The following HCN1 variants were observed in gnomAD, a reference collection of about 807,000 sequenced individuals.
The protein encoded by HCN1 is potassium/sodium hyperpolarization-activated cyclic nucleotide-gated channel 1.
Under a neutral mutation model 78.9 loss-of-function variants are expected in HCN1, and 13 were observed. The observed-to-expected ratio is 0.16, with a 90% CI of 0.11 to 0.26. HCN1 has a LOEUF of 0.26. Ranked by LOEUF, HCN1 falls within the 10% of genes least tolerant of loss-of-function variation. The pLI, the probability that HCN1 is intolerant of heterozygous loss-of-function variation, is 1.00. For missense variants in HCN1, 810 were observed against 1,154.3 expected (o/e 0.70, Z 4.32); for synonymous variants, 552 against 455.5 (o/e 1.21, Z -2.70).
At chr5:45,461,683 C>T (rs1316249580) in intron 3 of HCN1, among the ~76,000 whole-genome samples, 163 bp downstream of exon 3, 28 of 152,062 alleles carry the variant, frequency 1.8e-4, no homozygotes, top group Admixed American at 1.6e-3. Context: ...TTAGTTGTAA[C>T]CACCCTCCAC....
chr5:45,681,812 T>C (rs1269871666), intron 1 of HCN1, among the ~76,000 whole-genome samples: 3 of 152,178 alleles, frequency 2.0e-5, no homozygotes, highest in African/African-American at 7.2e-5. Context: ...TTCTCAACTT[T>C]ATTTTGATTA....
intron 3 of HCN1, among the ~76,000 whole-genome samples, chr5:45,416,646 A>G (rs1561146426): frequency 6.6e-6 from 1 of 151,982 alleles, no homozygotes; most frequent in East Asian, 1.9e-4. Context: ...TACTATATAT[A>G]TGCTATTATT....
intron 1 of HCN1, 104 bp downstream of exon 1, chr5:45,695,565 C>G (rs920020686): frequency 1.4e-5 from 17 of 1,192,456 alleles, no homozygotes; most frequent in Middle Eastern, 2.7e-4. Flanking sequence ...GCGCCACCCC[C>G]CGCCCGCCCT....
intron 2 of HCN1, among the ~76,000 whole-genome samples, chr5:45,640,526 A>G (rs954212285): frequency 6.6e-6 from 1 of 151,990 alleles, no homozygotes; most frequent in Non-Finnish European, 1.5e-5. Context: ...GACTGTCACG[A>G]TAGAGTGTGT....
intron 2 of HCN1, among the ~76,000 whole-genome samples, chr5:45,553,486 G>A (rs1254500908): frequency 6.6e-6 from 1 of 151,858 alleles, no homozygotes; most frequent in Non-Finnish European, 1.5e-5. Flanking sequence ...TCACTCAGAT[G>A]ATAAAGTCTT....
intron 5 of HCN1, among the ~76,000 whole-genome samples, chr5:45,315,585 A>C (rs1291901131): frequency 2.0e-5 from 3 of 152,228 alleles, no homozygotes; most frequent in Non-Finnish European, 4.4e-5. Context: ...TGAAGGAGAT[A>C]GAGACACAAA....
At chr5:45,451,488 A>C (rs1394687552) in intron 3 of HCN1, among the ~76,000 whole-genome samples, 5 of 152,064 alleles carry the variant, frequency 3.3e-5, no homozygotes, top group Non-Finnish European at 5.9e-5. Flanking sequence ...TTTTTCCTTA[A>C]GAATTGATAA....
Position 45,394,021 on chromosome 5 carries a change from C to T in HCN1, c.1230+2471G>A, listed in dbSNP as rs868202199. Among the ~76,000 whole-genome samples the T allele has an allele frequency of 6.6e-5, 10 of 152,212 alleles. No homozygotes were observed. The Middle Eastern group carries it at 0.014, about 207-fold the overall frequency. ...AGAGAGAAGTTCCTCTGCTGTGAGT[C>T]CCTTTACAACCTCTTTTGGGATAGG... is the stretch of plus-strand genomic sequence containing the variant. On this transcript the variant is annotated intron_variant, in intron 4 of 7. Coordinates refer to ENST00000303230, the MANE Select transcript of HCN1 (RefSeq NM_021072.4).
At chr5:45,271,399 CACAG>C (rs1367774343) in intron 6 of HCN1, among the ~76,000 whole-genome samples, 3 of 150,672 alleles carry the variant, frequency 2.0e-5, no homozygotes, top group African/African-American at 4.9e-5. Flanking sequence ...CACACACACA[CACAG>C]ACACAGTTGC....
chr5:45,534,673 A>AT (rs1742930672), intron 2 of HCN1, among the ~76,000 whole-genome samples: 1 of 151,946 alleles, frequency 6.6e-6, no homozygotes, highest in Non-Finnish European at 1.5e-5. Flanking sequence ...TAAGCCAAAA[A>AT]AAAAATAAAC....
chr5:45,341,103 G>T (rs1298540199), intron 5 of HCN1, among the ~76,000 whole-genome samples: 1 of 151,722 alleles, frequency 6.6e-6, no homozygotes, highest in Non-Finnish European at 1.5e-5. Context: ...ATACTGTTTT[G>T]TAAAGAATGC....
At chr5:45,613,441 A>C (rs957324668) in intron 2 of HCN1, among the ~76,000 whole-genome samples, 2 of 151,996 alleles carry the variant, frequency 1.3e-5, no homozygotes, top group African/African-American at 4.8e-5. Flanking sequence ...TTAGAATGGC[A>C]ATCATTAAAA....
chr5:45,352,196 A>G (rs79566767), intron 5 of HCN1, among the ~76,000 whole-genome samples: 26,625 of 152,178 alleles, frequency 0.17, 2,569 homozygotes, highest in East Asian at 0.33. Flanking sequence ...CTATGCAGCC[A>G]TAAAAATGAT....
intron 5 of HCN1, among the ~76,000 whole-genome samples, chr5:45,325,075 A>C (rs1233129247): frequency 2.6e-5 from 4 of 151,664 alleles, no homozygotes; most frequent in African/African-American, 9.7e-5. Flanking sequence ...AACAGAATGT[A>C]CTCAGGATTA....
At chr5:45,566,385 T>C (rs1163191071) in intron 2 of HCN1, among the ~76,000 whole-genome samples, 2 of 152,164 alleles carry the variant, frequency 1.3e-5, no homozygotes, top group Non-Finnish European at 2.9e-5. Context: ...ACACAATATT[T>C]TTATTACTAG....
chr5:45,508,847 G>A (rs776289601), intron 2 of HCN1, among the ~76,000 whole-genome samples: 44 of 152,152 alleles, frequency 2.9e-4, no homozygotes, highest in Non-Finnish European at 5.9e-4. Context: ...GTGCCCAAGG[G>A]TTTGGCTTCC....
chr5:45,513,774 T>C (rs1742465495), intron 2 of HCN1, among the ~76,000 whole-genome samples: 1 of 152,154 alleles, frequency 6.6e-6, no homozygotes, highest in Non-Finnish European at 1.5e-5. Flanking sequence ...TTGTTTTCCA[T>C]GAGACCAGTC....
chr5:45,494,478 T>C (rs1357060394), intron 2 of HCN1, among the ~76,000 whole-genome samples: 1 of 151,864 alleles, frequency 6.6e-6, no homozygotes, highest in East Asian at 1.9e-4. Flanking sequence ...TTGTTTGAGT[T>C]CATTGTAGAT....
chr5:45,374,117 A>G (rs185090975), intron 4 of HCN1, among the ~76,000 whole-genome samples: 6 of 103,078 alleles, frequency 5.8e-5, no homozygotes, highest in Non-Finnish European at 1.1e-4. Context: ...TATATACATA[A>G]TATATATAAT....
Sources: allele counts gnomAD v4.1 joint callset (sites outside exome capture counted in the v4.1 genomes callset), GRCh38; gene constraint gnomAD v4.1.1; transcripts MANE v1.5; gene names NCBI Gene and HGNC (gene_info 2026-07-23, HGNC 2026-07-21).